Variants in TBC1D3G observed in about 807,000 individuals in gnomAD.
The protein encoded by TBC1D3G is TBC1 domain family member-like.
chr17:36,320,062 TA>T (rs1179383221), upstream of TBC1D3G: 15,810 of 291,822 alleles, frequency 0.054, 321 homozygotes, highest in South Asian at 0.057. Flanking sequence ...GGGGATAAGG[TA>T]AAAAAAAAAA....
At chr17:36,330,810 C>T (rs2069401731) in intron 9 of TBC1D3G, among the ~76,000 whole-genome samples, 6 of 52,294 alleles carry the variant, frequency 1.1e-4, no homozygotes, top group African/African-American at 4.6e-4. Context: ...CCCTCTGTGT[C>T]CTGGAGCCAC....
the TBC1D3G span, among the ~76,000 whole-genome samples, chr17:36,318,480 G>GGAAAA: frequency 4.9e-5 from 1 of 20,280 alleles, no homozygotes; most frequent in Non-Finnish European, 9.4e-5. Context: ...AAAAAAGAAA[G>GGAAAA]GAAAAGAAAA....
the TBC1D3G span, among the ~76,000 whole-genome samples, chr17:36,318,001 A>T: frequency 2.5e-5 from 2 of 79,016 alleles, no homozygotes; most frequent in Non-Finnish European, 4.2e-5. Context: ...TTCCTTTTCT[A>T]CCTTTGGTAT....
chr17:36,318,827 T>C, the TBC1D3G span: 2 of 746,050 alleles, frequency 2.7e-6, no homozygotes, highest in Non-Finnish European at 3.4e-6. Flanking sequence ...TTGTTTCTGC[T>C]GATTACACCC....
At chr17:36,321,915 GGCTGGGGC>G (rs2069366054), upstream of TBC1D3G, among the ~76,000 whole-genome samples, 9 of 12,228 alleles carry the variant, frequency 7.4e-4, no homozygotes, top group Non-Finnish European at 1.5e-3. Flanking sequence ...CACTTTGGGA[GGCTGGGGC>G]AGGTGGACTG....
chr17:36,317,744 A>G, the TBC1D3G span, among the ~76,000 whole-genome samples: 6 of 147,146 alleles, frequency 4.1e-5, no homozygotes, highest in African/African-American at 7.6e-5. Flanking sequence ...TTAATTTCAC[A>G]TAATTTTTAT....
At chr17:36,318,262 G>A in the TBC1D3G span, among the ~76,000 whole-genome samples, 1 of 58,946 alleles carries the variant, frequency 1.7e-5, no homozygotes, top group Non-Finnish European at 3.3e-5. Context: ...CAGCACTTTG[G>A]GAGGCCGAGG....
At chr17:36,323,527 C>T (rs2069375368), upstream of TBC1D3G, among the ~76,000 whole-genome samples, 1 of 101,988 alleles carries the variant, frequency 9.8e-6, no homozygotes, top group Non-Finnish European at 1.9e-5. Flanking sequence ...ATGTGTATCC[C>T]AGGACCACCC....
chr17:36,316,678 CT>C, the TBC1D3G span, among the ~76,000 whole-genome samples: 1 of 93,908 alleles, frequency 1.1e-5, no homozygotes, highest in Admixed American at 1.0e-4. Flanking sequence ...TTTGAGATAA[CT>C]TTATGATTTT....
chr17:36,327,466 AG>A, intron 4 of TBC1D3G, 70 bp from the exon 5 acceptor site: 4 of 1,300,672 alleles, frequency 3.1e-6, no homozygotes, highest in Non-Finnish European at 3.9e-6. Context: ...CCAGAGCCCA[AG>A]ACCCAGCATC....
chr17:36,318,505 A>AATTCTAAT, the TBC1D3G span, among the ~76,000 whole-genome samples: 1 of 91,044 alleles, frequency 1.1e-5, no homozygotes, highest in African/African-American at 3.9e-5. Flanking sequence ...CCTCAGATAT[A>AATTCTAAT]ATTCTAATAT....
At chr17:36,323,632 CAT>C (rs1185801776), upstream of TBC1D3G, among the ~76,000 whole-genome samples, 1 of 84,948 alleles carries the variant, frequency 1.2e-5, no homozygotes, top group Non-Finnish European at 2.2e-5. Context: ...TGGGTGCACA[CAT>C]GAGTGGGGCA....
chr17:36,331,386 TG>T lies in TBC1D3G; in HGVS notation c.762+12del. 6.9e-5 allele frequency: 1 copy of T among 14,528 alleles called. No homozygotes were observed. Among genetic ancestry groups the T allele is most frequent in the South Asian group, 6.5e-4 (1 of 1,544 alleles). The allele number at this position is 14,528 out of a possible 1,614,324, so 0.9% of individuals were successfully genotyped here. On this transcript the variant is annotated intron_variant, in intron 10 of 13. Coordinates refer to ENST00000569055, the MANE Select transcript of TBC1D3G (RefSeq NM_001291462.2). ...GACCATGGGGCATCAGGTGAGTTTA[TG>T]GTCCCCTCAGCTCTTCCCAGAGGCC...
At chr17:36,318,435 C>CAAAAAAAAAAAAAAAAAAAAAAAA in the TBC1D3G span, among the ~76,000 whole-genome samples, 5 of 10,436 alleles carry the variant, frequency 4.8e-4, 1 homozygote, top group Non-Finnish European at 6.0e-4. Context: ...GACTTTGTCT[C>CAAAAAAAAAAAAAAAAAAAAAAAA]AAAAAAAAAA....
At chr17:36,332,572 T>G (rs2069408085) in intron 12 of TBC1D3G, among the ~76,000 whole-genome samples, 183 bp downstream of exon 12, 1 of 123,510 alleles carries the variant, frequency 8.1e-6, no homozygotes, top group African/African-American at 3.1e-5. Context: ...CAGATGAAAG[T>G]CGAGAGTGTG....
intron 5 of TBC1D3G, among the ~76,000 whole-genome samples, 159 bp downstream of exon 5, chr17:36,327,776 C>T (rs2069394274): frequency 6.3e-5 from 5 of 78,942 alleles, no homozygotes; most frequent in South Asian, 5.6e-4. Flanking sequence ...TTCGTGCAAG[C>T]GTCACCTTGC....
At chr17:36,321,914 AG>A (rs2069365994), upstream of TBC1D3G, among the ~76,000 whole-genome samples, 1 of 12,138 alleles carries the variant, frequency 8.2e-5, no homozygotes, top group African/African-American at 3.3e-4. Flanking sequence ...GCACTTTGGG[AG>A]GCTGGGGCAG....
the TBC1D3G span, among the ~76,000 whole-genome samples, chr17:36,317,691 C>T: frequency 1.3e-5 from 2 of 149,640 alleles, no homozygotes. Context: ...TTTTATATTC[C>T]ATAAGTGCTT....
At chr17:36,322,125 G>A (rs1425216678), upstream of TBC1D3G, among the ~76,000 whole-genome samples, 1 of 146,580 alleles carries the variant, frequency 6.8e-6, no homozygotes, top group Non-Finnish European at 1.5e-5. Flanking sequence ...GCCGTCTTGT[G>A]AAGAAGGTGC....
Sources: allele counts gnomAD v4.1 joint callset (sites outside exome capture counted in the v4.1 genomes callset), GRCh38; gene constraint gnomAD v4.1.1; transcripts MANE v1.5; gene names NCBI Gene and HGNC (gene_info 2026-07-23, HGNC 2026-07-21).